Variants in SAMD5 observed in about 807,000 individuals in gnomAD.
SAMD5 encodes sterile alpha motif domain-containing protein 5.
In SAMD5, 13 loss-of-function variants were observed where a neutral mutation model predicts 11.3. The ratio of observed to expected loss-of-function variants is 1.15; its 90% CI spans 0.75 to 1.83. The LOEUF (loss-of-function observed/expected upper bound fraction) is 1.83. SAMD5 is among the 40% of genes most tolerant of loss of function. The probability of loss-of-function intolerance (pLI) is 0.00; values close to 1 mark genes in which losing one functional copy is unlikely to be tolerated. For missense variants in SAMD5, 255 were observed against 239.1 expected (o/e 1.07, Z -0.44); for synonymous variants, 129 against 111.3 (o/e 1.16, Z -1.00).
intron 1 of SAMD5, among the ~76,000 whole-genome samples, chr6:147,653,133 C>A (rs1790515053): frequency 6.6e-6 from 1 of 152,128 alleles, no homozygotes. Context: ...GCAAGTTGAA[C>A]AAATCATTTC....
At chr6:147,648,902 C>T (rs1470486010) in intron 1 of SAMD5, among the ~76,000 whole-genome samples, 1 of 152,170 alleles carries the variant, frequency 6.6e-6, no homozygotes, top group East Asian at 1.9e-4. Flanking sequence ...TGATAGAAAA[C>T]ATTATTTTTC....
At chr6:147,646,804 G>A (rs1021398305) in intron 1 of SAMD5, among the ~76,000 whole-genome samples, 1 of 151,866 alleles carries the variant, frequency 6.6e-6, no homozygotes, top group East Asian at 1.9e-4. Flanking sequence ...ATTACACACT[G>A]TGCTCTTAAA....
intron 1 of SAMD5, among the ~76,000 whole-genome samples, chr6:147,719,209 A>G (rs1791510820): frequency 6.6e-6 from 1 of 152,238 alleles, no homozygotes; most frequent in South Asian, 2.1e-4. Flanking sequence ...AAGTCACATC[A>G]GGACCCAGAG....
the SAMD5 span, among the ~76,000 whole-genome samples, chr6:147,888,957 G>GT: frequency 6.6e-6 from 1 of 151,700 alleles, no homozygotes; most frequent in Non-Finnish European, 1.5e-5. Context: ...CCTTAGTATA[G>GT]TTTTCTTCAT....
intron 1 of SAMD5, among the ~76,000 whole-genome samples, chr6:147,597,941 C>T (rs1435003991): frequency 2.0e-5 from 3 of 152,110 alleles, no homozygotes; most frequent in Admixed American, 6.5e-5. Flanking sequence ...CTCAGAGCAC[C>T]CCAGCCCTGC....
At chr6:147,782,051 A>C in the SAMD5 span, among the ~76,000 whole-genome samples, 4 of 152,094 alleles carry the variant, frequency 2.6e-5, no homozygotes, top group African/African-American at 9.7e-5. Context: ...TCTTTAAAAA[A>C]GTCATTCCAG....
At chr6:147,574,332 C>T (rs1212386640), downstream of SAMD5, among the ~76,000 whole-genome samples, 1 of 152,116 alleles carries the variant, frequency 6.6e-6, no homozygotes, top group Admixed American at 6.5e-5. Context: ...TCATAATTTA[C>T]CCAATGTAAC....
downstream of SAMD5, among the ~76,000 whole-genome samples, chr6:147,737,709 G>T (rs1207409047): frequency 1.7e-5 from 2 of 120,408 alleles, no homozygotes; most frequent in Non-Finnish European, 3.2e-5. Context: ...TTGCCCCTGG[G>T]CTGGAATAGA....
intron 1 of SAMD5, among the ~76,000 whole-genome samples, chr6:147,552,646 CA>C (rs1417238820): frequency 6.6e-6 from 1 of 152,118 alleles, no homozygotes; most frequent in African/African-American, 2.4e-5. Context: ...CAAAGGGTAG[CA>C]GGAAAATAAG....
At chr6:147,909,619 T>TC in the SAMD5 span, among the ~76,000 whole-genome samples, 6 of 67,122 alleles carry the variant, frequency 8.9e-5, no homozygotes, top group African/African-American at 5.6e-4. Flanking sequence ...TTTCTTTCTT[T>TC]CTTTCTTTCT....
intron 1 of SAMD5, among the ~76,000 whole-genome samples, chr6:147,520,668 G>A (rs1193898389): frequency 6.6e-6 from 1 of 152,032 alleles, no homozygotes; most frequent in Non-Finnish European, 1.5e-5. Flanking sequence ...AGTCTAAATG[G>A]ATAAGAGTCA....
chr6:147,864,999 A>G, the SAMD5 span, among the ~76,000 whole-genome samples: 7 of 152,218 alleles, frequency 4.6e-5, no homozygotes, highest in South Asian at 1.2e-3. Flanking sequence ...ATTCTTCCAG[A>G]GCCTTTACTA....
chr6:147,519,021 G>A (rs1788213427), intron 1 of SAMD5, among the ~76,000 whole-genome samples: 1 of 152,152 alleles, frequency 6.6e-6, no homozygotes, highest in African/African-American at 2.4e-5. Flanking sequence ...GCTTCTAATT[G>A]AAATAAATGG....
intron 1 of SAMD5, among the ~76,000 whole-genome samples, chr6:147,614,874 A>G (rs1789842199): frequency 6.6e-6 from 1 of 152,004 alleles, no homozygotes; most frequent in African/African-American, 2.4e-5. Flanking sequence ...CCGTGGATTC[A>G]ACCAACCATA....
intron 1 of SAMD5, among the ~76,000 whole-genome samples, chr6:147,550,577 A>C (rs1477164396): frequency 6.6e-6 from 1 of 152,218 alleles, no homozygotes; most frequent in Admixed American, 6.5e-5. Flanking sequence ...CGGCCATATA[A>C]AAGAGTGAAA....
At chr6:147,702,835 G>GTGTGTC (rs550566029) in intron 1 of SAMD5, among the ~76,000 whole-genome samples, 26 of 152,126 alleles carry the variant, frequency 1.7e-4, no homozygotes, top group Non-Finnish European at 2.9e-4. Context: ...GTGTGTGTGT[G>GTGTGTC]TGTCTGTCTG....
chr6:147,804,640 C>T, the SAMD5 span, among the ~76,000 whole-genome samples: 1 of 152,128 alleles, frequency 6.6e-6, no homozygotes, highest in Non-Finnish European at 1.5e-5. Context: ...CAGTTTAAAG[C>T]TCAACTGAAA....
the SAMD5 span, among the ~76,000 whole-genome samples, chr6:147,807,022 C>T: frequency 2.0e-5 from 3 of 152,062 alleles, no homozygotes; most frequent in Admixed American, 6.6e-5. Context: ...ACCAAATTAG[C>T]CGACATTTGA....
At chr6:147,796,283 A>G in the SAMD5 span, among the ~76,000 whole-genome samples, 1 of 151,646 alleles carries the variant, frequency 6.6e-6, no homozygotes, top group African/African-American at 2.4e-5. Context: ...CTTTCTACAT[A>G]TGGCTAGCCA....
Sources: allele counts gnomAD v4.1 joint callset (sites outside exome capture counted in the v4.1 genomes callset), GRCh38; gene constraint gnomAD v4.1.1; transcripts MANE v1.5; gene names NCBI Gene and HGNC (gene_info 2026-07-23, HGNC 2026-07-21).